MED15: variants seen among roughly 807,000 people sequenced by gnomAD.
The protein encoded by MED15 is mediator of RNA polymerase II transcription subunit 15.
In MED15, 41 loss-of-function variants were observed where a neutral mutation model predicts 118.7. The ratio of observed to expected loss-of-function variants is 0.35; its 90% CI spans 0.27 to 0.45. The LOEUF is 0.45. MED15 is among the 20% of genes least tolerant of loss of function. The probability of loss-of-function intolerance (pLI) is 1.00; values close to 1 mark genes in which losing one functional copy is unlikely to be tolerated. For missense variants in MED15, 740 were observed against 1,025.5 expected (o/e 0.72, Z 3.80); for synonymous variants, 436 against 413.9 (o/e 1.05, Z -0.65).
intron 1 of MED15, among the ~76,000 whole-genome samples, chr22:20,536,627 C>G (rs1292643153): frequency 6.6e-6 from 1 of 152,136 alleles, no homozygotes; most frequent in African/African-American, 2.4e-5. Flanking sequence ...AGGGACAGAC[C>G]CTTGCCTTGG....
chr22:20,583,574 G>A, intron 13 of MED15, 181 bp downstream of exon 13: 1 of 694,630 alleles, frequency 1.4e-6, no homozygotes, highest in Non-Finnish European at 2.4e-6. Flanking sequence ...CTTCATCTTG[G>A]CCCATGCCCA....
At chr22:20,558,432 T>C (rs1340079443) in intron 5 of MED15, among the ~76,000 whole-genome samples, 1 of 152,204 alleles carries the variant, frequency 6.6e-6, no homozygotes, top group African/African-American at 2.4e-5. Flanking sequence ...CTGAAACTGC[T>C]GGTTGTTCCT....
intron 1 of MED15, among the ~76,000 whole-genome samples, chr22:20,520,984 C>T (rs1360531627): frequency 6.6e-6 from 1 of 151,766 alleles, no homozygotes; most frequent in Non-Finnish European, 1.5e-5. Context: ...AAGCAATCCA[C>T]CTGCTTCAGC....
At chr22:20,538,995 C>A (rs1166410988) in intron 2 of MED15, among the ~76,000 whole-genome samples, 1 of 152,112 alleles carries the variant, frequency 6.6e-6, no homozygotes, top group African/African-American at 2.4e-5. Flanking sequence ...GCCACCGCAC[C>A]CAGCCACGTA....
At chr22:20,580,633 C>T (rs2056953540) in intron 9 of MED15, among the ~76,000 whole-genome samples, 3 of 152,116 alleles carry the variant, frequency 2.0e-5, no homozygotes, top group African/African-American at 7.2e-5. Context: ...CTTTGCTTCC[C>T]ACTCCTCGGT....
chr22:20,538,834 G>A (rs183220762), intron 2 of MED15, among the ~76,000 whole-genome samples: 8 of 151,996 alleles, frequency 5.3e-5, no homozygotes, highest in African/African-American at 1.7e-4. Flanking sequence ...CAAGTAGCCA[G>A]GATTACAGGT....
intron 5 of MED15, among the ~76,000 whole-genome samples, chr22:20,558,458 G>C (rs1356534720): frequency 6.6e-6 from 1 of 152,210 alleles, no homozygotes; most frequent in Non-Finnish European, 1.5e-5. Flanking sequence ...TGGGGCTGCA[G>C]TACAGAGTTG....
rs1227077878 is a variant in MED15 at position 20,587,481 on chromosome 22, C to T, written c.*777C>T. 2 of 225,954 alleles carry T rather than the reference C, an allele frequency of 8.9e-6. No individual in the cohort carries two copies. Among genetic ancestry groups the T allele is most frequent in the Non-Finnish European group, 1.8e-5 (2 of 113,706 alleles). The allele number at this position is 225,954 out of a possible 1,614,324, so 14.0% of individuals were successfully genotyped here. Reference sequence around the variant, plus strand: ...AGAGACAGCGGGCCTGGCAGCGGGCCGGGCCATGCAGGGAGCGCCTCCCTA... The same window carrying T: ...AGAGACAGCGGGCCTGGCAGCGGGCTGGGCCATGCAGGGAGCGCCTCCCTA... On this transcript the variant is annotated 3_prime_UTR_variant, in exon 18 of 18. Transcript: ENST00000263205.
intron 8 of MED15, among the ~76,000 whole-genome samples, chr22:20,569,479 C>T (rs1247895173): frequency 6.6e-6 from 1 of 152,218 alleles, no homozygotes; most frequent in Non-Finnish European, 1.5e-5. Context: ...TTGCTGTCGT[C>T]TTAAGGGTAC....
chr22:20,538,447 A>G (rs1277235874), intron 2 of MED15, among the ~76,000 whole-genome samples: 1 of 150,900 alleles, frequency 6.6e-6, no homozygotes, highest in Non-Finnish European at 1.5e-5. Context: ...ACGAGGTCCC[A>G]CTATGTTGCC....
chr22:20,586,479 G>A, intron 17 of MED15, 89 bp from the exon 18 acceptor site: 1 of 1,556,328 alleles, frequency 6.4e-7, no homozygotes, highest in Non-Finnish European at 8.7e-7. Context: ...CCCGCGCCTG[G>A]GGCTACCCCT....
rs145029830 is a variant in MED15 at position 20,554,919 on chromosome 22, C to T, written c.239-17C>T. ...GTAGGCCCTTTCCTGAGAAGCTCTG[C>T]CCTTGTGTTCCCACAGATCCTATGA... On this transcript the variant is annotated splice_polypyrimidine_tract_variant and intron_variant, in intron 4 of 17. Transcript: ENST00000263205. The T allele has an allele frequency of 0.015, 23,476 of 1,586,854 alleles. 3,831 individuals carry two copies. In the Admixed American group the frequency reaches 0.32, roughly 22 times the overall value.
intron 1 of MED15, among the ~76,000 whole-genome samples, chr22:20,528,970 G>T (rs936855672): frequency 1.3e-5 from 2 of 152,140 alleles, no homozygotes; most frequent in African/African-American, 4.8e-5. Flanking sequence ...CTGTCCCAGA[G>T]CACTTGGTGC....
At chr22:20,540,991 G>A (rs1035055599) in intron 2 of MED15, among the ~76,000 whole-genome samples, 2 of 152,164 alleles carry the variant, frequency 1.3e-5, no homozygotes, top group African/African-American at 4.8e-5. Flanking sequence ...CACTTTGGGA[G>A]GCCGAGGTGG....
chr22:20,520,346 T>C (rs375675726), intron 1 of MED15, among the ~76,000 whole-genome samples: 73 of 152,342 alleles, frequency 4.8e-4, no homozygotes, highest in African/African-American at 1.7e-3. Flanking sequence ...GTCTGCTATG[T>C]GTGAGACAGA....
chr22:20,575,009 C>T (rs1446985698), intron 8 of MED15, 104 bp from the exon 9 acceptor site: 21 of 1,541,006 alleles, frequency 1.4e-5, no homozygotes, highest in Non-Finnish European at 1.7e-5. Flanking sequence ...CTTTCCTTGC[C>T]CTGGTGCTCC....
intron 8 of MED15, 41 bp downstream of exon 8, chr22:20,568,672 G>A (rs565016408): frequency 1.2e-6 from 2 of 1,600,510 alleles, no homozygotes; most frequent in East Asian, 2.3e-5. Flanking sequence ...TCATCAGCAG[G>A]TGCATGTTCA....
intron 2 of MED15, among the ~76,000 whole-genome samples, chr22:20,541,171 G>A (rs1267439533): frequency 1.3e-5 from 2 of 152,122 alleles, no homozygotes; most frequent in Admixed American, 6.5e-5. Context: ...CCCGGGAGGT[G>A]GAGCTTGCAG....
At chr22:20,521,976 C>T (rs1435417374) in intron 1 of MED15, 1 of 152,116 alleles carries the variant, frequency 6.6e-6, no homozygotes, top group African/African-American at 2.4e-5. Context: ...GGTGATCCAC[C>T]CGCCTTGGCC....
Sources: gnomAD v4.1 joint callset for allele counts (sites outside exome capture counted in the v4.1 genomes callset) on GRCh38, gnomAD v4.1.1 for gene constraint, MANE v1.5 for transcripts, NCBI Gene and HGNC (gene_info 2026-07-23, HGNC 2026-07-21) for gene names.